The following F9 variants were observed in gnomAD, a reference collection of about 807,000 sequenced individuals.
F9 encodes the protein Christmas factor.
In F9, 2 loss-of-function variants were observed where a neutral mutation model predicts 34.1. The ratio of observed to expected loss-of-function variants is 0.06; its 90% CI spans 0.02 to 0.18. F9 has a LOEUF of 0.18. Among genes scored for constraint, F9 ranks in the 10% least tolerant of loss-of-function variants. The pLI, the probability that F9 is intolerant of heterozygous loss-of-function variation, is 1.00. For missense variants in F9, 216 were observed against 345.1 expected (o/e 0.63, Z 2.96); for synonymous variants, 137 against 118.8 (o/e 1.15, Z -1.00).
chrX:139,548,049 A>G (rs1927754519), intron 4 of F9, among the ~76,000 whole-genome samples: 1 of 112,183 alleles, frequency 8.9e-6, no homozygotes, highest in African/African-American at 3.2e-5. Context: ...TATTTTTTGA[A>G]TATATGTTAT....
In F9 at chrX:139,530,804, C is replaced by T; in HGVS notation, c.40C>T (p.Leu14Phe). 8.3e-7 allele frequency: 1 copy of T among 1,211,086 alleles called. No individual in the cohort carries two copies. The highest frequency in any genetic ancestry group is 1.1e-6 in the Non-Finnish European group (1 of 894,741). The change falls in exon 1 of 8, where the codon CTC becomes TTC. Residue 14 changes from leucine (L) to phenylalanine (F), a missense_variant. Leu to Phe is a conservative substitution (Grantham distance 22). Around this residue, in one of 2 missense-constraint regions of F9, gnomAD observed 39 missense variants for 33.3 expected, o/e 1.17. Transcript: ENST00000218099. Reference protein sequence around the residue: ...VNMIMAESPGLITICLLGYLL... With the variant: ...VNMIMAESPGFITICLLGYLL... ...CATGATCATGGCAGAATCACCAGGC[C>T]TCATCACCATCTGCCTTTTAGGATA...
At chrX:139,542,423 G>A (rs978510524) in intron 4 of F9, among the ~76,000 whole-genome samples, 4 of 111,725 alleles carry the variant, frequency 3.6e-5, no homozygotes, top group Non-Finnish European at 7.5e-5. Flanking sequence ...TTGAGAGTGT[G>A]TTAATTGATT....
intron 6 of F9, among the ~76,000 whole-genome samples, chrX:139,552,605 T>G (rs1053751824): frequency 2.7e-5 from 3 of 112,298 alleles, no homozygotes; most frequent in East Asian, 2.8e-4. Context: ...AAAATTCAAT[T>G]CCTCAATTGC....
At chrX:139,532,003 G>C (rs1927353861) in intron 1 of F9, among the ~76,000 whole-genome samples, 1 of 112,360 alleles carries the variant, frequency 8.9e-6, no homozygotes, top group African/African-American at 3.2e-5. Flanking sequence ...GGAGGACAAA[G>C]CATCCAAACC....
chrX:139,551,191 G>A lies in F9; in HGVS notation c.650G>A (p.Ser217Asn). 1 of 1,211,277 alleles carries A rather than the reference G, an allele frequency of 8.3e-7. No homozygotes were observed. Among genetic ancestry groups the A allele is most frequent in the Non-Finnish European group, 1.1e-6 (1 of 895,300 alleles). Residue 217 changes from serine (S) to asparagine (N), a missense_variant, in exon 6 of 8, where the codon AGC becomes AAC. Transcript: ENST00000218099. Reference sequence around the variant, plus strand: ...ACCATTTTGGATAACATCACTCAAAGCACCCAATCATTTAATGACTTCACT... The same window carrying A: ...ACCATTTTGGATAACATCACTCAAAACACCCAATCATTTAATGACTTCACT... ...AETILDNITQ[S>N]TQSFNDFTRV...
intron 2 of F9, 31 bp downstream of exon 2, chrX:139,537,204 G>A (rs1051949388): frequency 2.5e-6 from 3 of 1,194,547 alleles, no homozygotes; most frequent in Non-Finnish European, 3.4e-6. Context: ...CCCTTCAGAT[G>A]CAGAGCATAG....
intron 6 of F9, among the ~76,000 whole-genome samples, chrX:139,552,774 A>G (rs1927875242): frequency 8.9e-6 from 1 of 112,378 alleles, no homozygotes; most frequent in Admixed American, 9.4e-5. Flanking sequence ...TGCCACAGTC[A>G]TGATTTAGTA....
At chrX:139,550,022 A>G (rs747365469) in intron 5 of F9, among the ~76,000 whole-genome samples, 254 of 111,260 alleles carry the variant, frequency 2.3e-3, no homozygotes, top group African/African-American at 7.9e-3. Context: ...CCTAACTTCC[A>G]GTATAGACAG....
chrX:139,541,929 C>T lies in F9; in HGVS notation c.391+740C>T, dbSNP rs191506740. On this transcript the variant is annotated intron_variant, in intron 4 of 7. Transcript: ENST00000218099. ...TCCCTTACCTACTTGTTTATTACCT[C>T]CAGATGCAATATTACTGGTACTGTG... Among the ~76,000 whole-genome samples, 284 of 111,769 alleles carry T rather than the reference C, an allele frequency of 2.5e-3. 2 individuals carry two copies. The highest frequency in any genetic ancestry group is 8.7e-3 in the African/African-American group (267 of 30,819).
intron 6 of F9, among the ~76,000 whole-genome samples, chrX:139,558,667 C>A (rs1025411095): frequency 1.8e-5 from 2 of 112,342 alleles, no homozygotes; most frequent in African/African-American, 3.2e-5. Flanking sequence ...CACTGAGCCC[C>A]ACAAAGTATG....
chrX:139,537,604 C>CA (rs1180053671), intron 3 of F9, among the ~76,000 whole-genome samples: 1 of 111,564 alleles, frequency 9.0e-6, no homozygotes, highest in African/African-American at 3.3e-5. Context: ...TAGGGCTTCA[C>CA]AAAGAACATT....
intron 6 of F9, among the ~76,000 whole-genome samples, chrX:139,556,284 C>T (rs970339124): frequency 3.6e-5 from 4 of 111,850 alleles, no homozygotes; most frequent in Non-Finnish European, 7.5e-5. Context: ...CAGAAAATGT[C>T]CAGGGAAATG....
chrX:139,538,100 C>G (rs2148356730), intron 3 of F9, among the ~76,000 whole-genome samples: 1 of 111,879 alleles, frequency 8.9e-6, no homozygotes, highest in South Asian at 3.8e-4. Flanking sequence ...TTTAACAGAG[C>G]TTTTCACCAT....
At position 139,548,395 on chromosome X, in the gene F9, G is replaced by A. The variant is rs750611141; in HGVS notation, c.424G>A (p.Glu142Lys). Residue 142 changes from glutamate to lysine, a missense_variant, in exon 5 of 8, where the codon GAG (glutamate) becomes AAG (lysine). Transcript: ENST00000218099. ...VTCNIKNGRC[E>K]QFCKNSADNK... Reference sequence around the variant, plus strand: ...ATGTAACATTAAGAATGGCAGATGCGAGCAGTTTTGTAAAAATAGTGCTGA... The same window carrying A: ...ATGTAACATTAAGAATGGCAGATGCAAGCAGTTTTGTAAAAATAGTGCTGA... 5 of 1,210,050 alleles carry A rather than the reference G, an allele frequency of 4.1e-6. No homozygotes were observed. Among genetic ancestry groups the A allele is most frequent in the East Asian group, 3.0e-5 (1 of 33,767 alleles).
intron 1 of F9, among the ~76,000 whole-genome samples, chrX:139,531,627 G>T: frequency 8.9e-6 from 1 of 112,365 alleles, no homozygotes; most frequent in South Asian, 3.7e-4. Context: ...GTGACTTTAT[G>T]TATTTCCCAG....
intron 3 of F9, among the ~76,000 whole-genome samples, 163 bp from the exon 4 acceptor site, chrX:139,540,913 C>G (rs762183672): frequency 2.1e-4 from 23 of 111,709 alleles, no homozygotes; most frequent in African/African-American, 7.5e-4. Context: ...TTTAGAAACT[C>G]AGGAAGACAG....
intron 6 of F9, among the ~76,000 whole-genome samples, chrX:139,557,433 G>C (rs1301653812): frequency 4.5e-5 from 5 of 111,864 alleles, no homozygotes; most frequent in African/African-American, 1.3e-4. Flanking sequence ...AGACTTAAAA[G>C]AACACAACCA....
intron 6 of F9, among the ~76,000 whole-genome samples, chrX:139,559,811 T>C (rs1202939346): frequency 8.9e-6 from 1 of 111,931 alleles, no homozygotes; most frequent in Admixed American, 9.5e-5. Context: ...AGTCAGGTCC[T>C]GAAAAGGATT....
chrX:139,537,941 A>G (rs938247455), intron 3 of F9, among the ~76,000 whole-genome samples: 8 of 110,826 alleles, frequency 7.2e-5, no homozygotes, highest in African/African-American at 2.3e-4. Context: ...GCTGTTCCCA[A>G]CTTCCTGTGG....
Sources: gnomAD v4.1 joint callset for allele counts (sites outside exome capture counted in the v4.1 genomes callset) on GRCh38, gnomAD v4.1.1 for gene constraint, gnomAD v4.1.1 regional missense constraint, MANE v1.5 for transcripts, NCBI Gene and HGNC (gene_info 2026-07-23, HGNC 2026-07-21) for gene names.